Variants in RBFOX1 observed in about 807,000 individuals in gnomAD.
RBFOX1 encodes the protein RNA binding protein fox-1 homolog 1.
A neutral mutation model predicts 57.7 loss-of-function variants in RBFOX1; 8 were observed. The ratio of observed to expected loss-of-function variants is 0.14; its 90% confidence interval spans 0.08 to 0.25. RBFOX1 has a LOEUF of 0.25. Among genes scored for constraint, RBFOX1 ranks in the 10% least tolerant of loss-of-function variants. The pLI is 1.00. For synonymous variants in RBFOX1, 326 were observed against 222.4 expected (o/e 1.47, Z -4.15); for missense variants, 611 against 548.5 (o/e 1.11, Z -1.14).
intron 1 of RBFOX1, among the ~76,000 whole-genome samples, chr16:5,444,518 G>T (rs1184324266): frequency 6.6e-6 from 1 of 152,180 alleles, no homozygotes; most frequent in Non-Finnish European, 1.5e-5. Context: ...CTGCGGAACT[G>T]GCCATTAATG....
intron 3 of RBFOX1, among the ~76,000 whole-genome samples, chr16:5,820,677 C>T (rs1424670365): frequency 6.6e-6 from 1 of 152,182 alleles, no homozygotes; most frequent in Admixed American, 6.5e-5. Context: ...TGAAGTGCGT[C>T]ACAGCGTTAC....
chr16:6,058,873 CA>C (rs2152454919), intron 1 of RBFOX1, among the ~76,000 whole-genome samples: 1 of 150,842 alleles, frequency 6.6e-6, no homozygotes, highest in Non-Finnish European at 1.5e-5. Flanking sequence ...TCCATCCATC[CA>C]TCCATCCAGC....
At chr16:5,701,878 T>A (rs971057824) in intron 3 of RBFOX1, among the ~76,000 whole-genome samples, 4 of 152,204 alleles carry the variant, frequency 2.6e-5, no homozygotes, top group Non-Finnish European at 5.9e-5. Flanking sequence ...TGGTCTTAAC[T>A]TCGTAATTTA....
intron 3 of RBFOX1, among the ~76,000 whole-genome samples, chr16:7,020,410 G>T (rs1362070577): frequency 6.6e-6 from 1 of 152,016 alleles, no homozygotes; most frequent in African/African-American, 2.4e-5. Context: ...TAGTAGAGAT[G>T]AGGTTTCACC....
At chr16:6,359,115 CG>C (rs1354191170) in intron 2 of RBFOX1, among the ~76,000 whole-genome samples, 5 of 149,850 alleles carry the variant, frequency 3.3e-5, no homozygotes, top group African/African-American at 1.3e-4. Context: ...TGTTTTGAGA[CG>C]GAGTCTAGCT....
intron 3 of RBFOX1, among the ~76,000 whole-genome samples, chr16:5,608,125 C>T (rs969322156): frequency 1.3e-5 from 2 of 152,184 alleles, no homozygotes; most frequent in African/African-American, 4.8e-5. Flanking sequence ...TGCTCATTCC[C>T]ACCAGCAATG....
Position 7,498,854 on chromosome 16 carries a change from T to A in RBFOX1, c.28-19293T>A, listed in dbSNP as rs78329624. Among the ~76,000 whole-genome samples the A allele has an allele frequency of 2.6e-5, 4 of 152,278 alleles. No homozygotes were observed. In the East Asian group the frequency reaches 7.7e-4, roughly 29 times the overall value. On this transcript the variant is annotated intron_variant, in intron 4 of 15. Transcript: ENST00000550418. ...TCTGCTTCACAGAGAGCAAATGAGA[T>A]CGCATGAAAATTGTCATGCGCCCCA...
chr16:5,543,416 G>T (rs536982308), intron 2 of RBFOX1, among the ~76,000 whole-genome samples: 1 of 152,248 alleles, frequency 6.6e-6, no homozygotes, highest in African/African-American at 2.4e-5. Flanking sequence ...ATCAACGGCG[G>T]ATTAGACATT....
At chr16:6,211,886 GTCAC>G (rs1322125614) in intron 1 of RBFOX1, among the ~76,000 whole-genome samples, 1 of 151,236 alleles carries the variant, frequency 6.6e-6, no homozygotes, top group Non-Finnish European at 1.5e-5. Flanking sequence ...GTCTCGCTCT[GTCAC>G]TCAGGCTGGA....
chr16:6,326,553 G>T (rs1199361964), intron 2 of RBFOX1, among the ~76,000 whole-genome samples: 1 of 152,022 alleles, frequency 6.6e-6, no homozygotes, highest in Non-Finnish European at 1.5e-5. Context: ...CCTTCTCAGA[G>T]GGCATTCTCC....
intron 1 of RBFOX1, among the ~76,000 whole-genome samples, chr16:6,204,814 C>T (rs899831740): frequency 5.3e-5 from 8 of 151,932 alleles, no homozygotes; most frequent in Non-Finnish European, 1.0e-4. Flanking sequence ...TGTGTGCCTG[C>T]ATGTGTGTTC....
At chr16:6,931,407 G>T (rs1328956356) in intron 3 of RBFOX1, among the ~76,000 whole-genome samples, 1 of 151,686 alleles carries the variant, frequency 6.6e-6, no homozygotes, top group African/African-American at 2.4e-5. Context: ...GTTTATGTGT[G>T]CATGAACCAC....
intron 4 of RBFOX1, among the ~76,000 whole-genome samples, chr16:7,053,523 C>G (rs2050829009): frequency 6.6e-6 from 1 of 152,162 alleles, no homozygotes; most frequent in African/African-American, 2.4e-5. Flanking sequence ...AAATATGTGC[C>G]TTTGTCTCCA....
intron 3 of RBFOX1, among the ~76,000 whole-genome samples, chr16:6,679,144 G>T (rs1481218656): frequency 6.6e-6 from 1 of 152,078 alleles, no homozygotes; most frequent in East Asian, 1.9e-4. Context: ...CACAACTGAG[G>T]AACATTGCAG....
rs138291558 is a variant in RBFOX1, at chr16:7,443,372, C to A, written c.28-74775C>A. Among the ~76,000 whole-genome samples, 93 of 152,082 alleles carry A rather than the reference C, an allele frequency of 6.1e-4. 1 individual carries two copies. The highest frequency in any genetic ancestry group is 2.0e-3 in the African/African-American group (84 of 41,484). On this transcript the variant is annotated intron_variant, in intron 4 of 15. Coordinates refer to ENST00000550418, the MANE Select transcript of RBFOX1 (RefSeq NM_018723.4). The stretch of plus-strand genomic sequence containing the variant: ...CCATCCCCCTCCTGTCTCACACACT[C>A]TCTTTCACATTAATCATGTAATTGA...
intron 11 of RBFOX1, among the ~76,000 whole-genome samples, chr16:7,635,037 A>G (rs1459413739): frequency 1.3e-5 from 2 of 152,206 alleles, no homozygotes; most frequent in South Asian, 4.1e-4. Flanking sequence ...TCCGAAGGCC[A>G]GTGGTCAGCC....
chr16:7,488,685 A>G (rs970338002), intron 4 of RBFOX1, among the ~76,000 whole-genome samples: 3 of 152,090 alleles, frequency 2.0e-5, no homozygotes, highest in African/African-American at 2.4e-5. Flanking sequence ...CTATCCATCT[A>G]TCTATACATT....
intron 2 of RBFOX1, among the ~76,000 whole-genome samples, chr16:6,650,327 C>G (rs1281328925): frequency 6.6e-6 from 1 of 151,790 alleles, no homozygotes; most frequent in Non-Finnish European, 1.5e-5. Context: ...CTTCCCATAG[C>G]AAGGAAAAGA....
intron 1 of RBFOX1, among the ~76,000 whole-genome samples, chr16:5,353,433 C>T (rs922654069): frequency 7.2e-5 from 11 of 151,970 alleles, no homozygotes; most frequent in African/African-American, 1.2e-4. Context: ...CCTCTTCCTC[C>T]GCCCCTCTGT....
Sources: allele counts gnomAD v4.1 joint callset (sites outside exome capture counted in the v4.1 genomes callset), GRCh38; gene constraint gnomAD v4.1.1; transcripts MANE v1.5; gene names NCBI Gene and HGNC (gene_info 2026-07-23, HGNC 2026-07-21).